SNX29: variants seen among roughly 807,000 people sequenced by gnomAD.
SNX29 encodes sorting nexin 29, also known as sorting nexin-29.
Under a neutral mutation model 102.1 loss-of-function variants are expected in SNX29, and 78 were observed. That is an observed-to-expected ratio of 0.76 (90% CI 0.64 to 0.92). The LOEUF (loss-of-function observed/expected upper bound fraction) is 0.92, where lower values mean the gene tolerates loss of function less well. Ranked by LOEUF, SNX29 falls within the 40% of genes least tolerant of loss-of-function variation. The pLI, the probability that SNX29 is intolerant of heterozygous loss-of-function variation, is 0.00. For synonymous variants in SNX29, 580 were observed against 414.5 expected (o/e 1.40, Z -4.85); for missense variants, 1,280 against 1,061.7 (o/e 1.21, Z -2.86).
intron 11 of SNX29, among the ~76,000 whole-genome samples, chr16:12,110,164 C>T (rs918737630): frequency 6.6e-6 from 1 of 152,162 alleles, no homozygotes; most frequent in East Asian, 1.9e-4. Context: ...CTGCAGCTCA[C>T]GTGTCTAAAG....
Position 12,046,460 on chromosome 16 carries a change from C to T in SNX29, c.499+6C>T, listed in dbSNP as rs373155759. 9 of 1,613,598 alleles carry T rather than the reference C, an allele frequency of 5.6e-6. No individual in the cohort carries two copies. The African/African-American group carries it at 9.3e-5, about 17-fold the overall frequency. ...GCTTCCTACCATGGCAGCAGGTAAGCCTGGCCCAGACCAGGGTGCAGGGCC... is the reference window on the plus strand; with the variant it reads ...GCTTCCTACCATGGCAGCAGGTAAGTCTGGCCCAGACCAGGGTGCAGGGCC... On this transcript the variant is annotated splice_donor_region_variant and intron_variant, in intron 6 of 20. Transcript: ENST00000566228.
intron 20 of SNX29, among the ~76,000 whole-genome samples, chr16:12,539,358 G>T (rs1003217153): frequency 6.6e-6 from 1 of 151,318 alleles, no homozygotes; most frequent in Non-Finnish European, 1.5e-5. Context: ...GAATCATACT[G>T]TAAGCAACCT....
chr16:12,030,386 T>A (rs978995644), intron 4 of SNX29, among the ~76,000 whole-genome samples: 1 of 152,240 alleles, frequency 6.6e-6, no homozygotes, highest in African/African-American at 2.4e-5. Context: ...TTCATCCATA[T>A]GTGTTCCTGT....
At chr16:12,310,450 C>T (rs1169973761) in intron 15 of SNX29, among the ~76,000 whole-genome samples, 1 of 150,666 alleles carries the variant, frequency 6.6e-6, no homozygotes, top group Non-Finnish European at 1.5e-5. Context: ...CAAGTTGTGT[C>T]AAGGAGGAAT....
At chr16:12,370,781 G>T (rs950732131) in intron 16 of SNX29, among the ~76,000 whole-genome samples, 7 of 152,158 alleles carry the variant, frequency 4.6e-5, no homozygotes, top group South Asian at 2.1e-4. Context: ...GCTGGTCTGT[G>T]GGAACCAGAG....
At chr16:12,454,395 G>A (rs2086443772) in intron 18 of SNX29, among the ~76,000 whole-genome samples, 2 of 152,318 alleles carry the variant, frequency 1.3e-5, no homozygotes, top group East Asian at 3.9e-4. Flanking sequence ...AGCTATTTTG[G>A]AACCAAATGC....
At chr16:12,360,329 C>T (rs9924180) in intron 16 of SNX29, among the ~76,000 whole-genome samples, 3,592 of 152,206 alleles carry the variant, frequency 0.024, 156 homozygotes, top group African/African-American at 0.082. Flanking sequence ...TTTCCCTTGT[C>T]TTTTTTGTCA....
intron 16 of SNX29, among the ~76,000 whole-genome samples, chr16:12,383,838 A>G (rs1244866485): frequency 7.5e-6 from 1 of 132,460 alleles, no homozygotes; most frequent in Non-Finnish European, 1.5e-5. Context: ...TTTTGTACCC[A>G]TTAGCCATCC....
At chr16:12,222,341 T>C (rs1422106203) in intron 14 of SNX29, among the ~76,000 whole-genome samples, 2 of 152,240 alleles carry the variant, frequency 1.3e-5, no homozygotes, top group East Asian at 3.8e-4. Flanking sequence ...TTGAAATTGA[T>C]GTCAGCCCAT....
At chr16:12,326,046 G>T (rs545068792) in intron 15 of SNX29, among the ~76,000 whole-genome samples, 1 of 151,674 alleles carries the variant, frequency 6.6e-6, no homozygotes, top group African/African-American at 2.4e-5. Context: ...TGTTTTTTGA[G>T]ATGGAGCCTC....
At chr16:12,527,494 G>C in intron 20 of SNX29, 1 of 427,218 alleles carries the variant, frequency 2.3e-6, no homozygotes, top group Non-Finnish European at 4.4e-6. Context: ...TTGAGTTACT[G>C]AACGTAACCG....
chr16:12,199,392 G>C (rs2076857191), intron 13 of SNX29, among the ~76,000 whole-genome samples: 1 of 152,152 alleles, frequency 6.6e-6, no homozygotes, highest in African/African-American at 2.4e-5. Context: ...TCTCATGAAA[G>C]AATAGTTCTT....
chr16:12,426,414 A>G (rs1160864130), intron 18 of SNX29, among the ~76,000 whole-genome samples: 2 of 152,072 alleles, frequency 1.3e-5, no homozygotes. Context: ...CTCCCTCAAA[A>G]CACATGGTCA....
intron 18 of SNX29, among the ~76,000 whole-genome samples, chr16:12,425,974 G>C (rs925237039): frequency 6.6e-6 from 1 of 152,086 alleles, no homozygotes; most frequent in Non-Finnish European, 1.5e-5. Flanking sequence ...AGCCTGCCAA[G>C]ACCTTCAGGG....
intron 6 of SNX29, 106 bp downstream of exon 6, chr16:12,046,560 C>T (rs2050099370): frequency 1.2e-5 from 12 of 1,017,274 alleles, no homozygotes; most frequent in Non-Finnish European, 1.8e-5. Context: ...TTCTGTCCCT[C>T]AACAACTCAA....
intron 15 of SNX29, among the ~76,000 whole-genome samples, chr16:12,317,146 T>C (rs1164219361): frequency 6.6e-6 from 1 of 152,222 alleles, no homozygotes; most frequent in Non-Finnish European, 1.5e-5. Flanking sequence ...ACCCAGGACC[T>C]TGGAGAAGGG....
rs112290752 is a variant in SNX29, at chr16:12,549,933, T to A, written c.2319-18573T>A. On this transcript the variant is annotated intron_variant, in intron 20 of 20. Transcript: ENST00000566228. ...CACAGGCCAAATCTTACCCTCCACC[T>A]GTTTTTTATAAGTAAAGTTTTATTG... Among the ~76,000 whole-genome samples the A allele has an allele frequency of 3.3e-3, 508 of 152,286 alleles. 6 individuals are homozygous for A. Among genetic ancestry groups the A allele is most frequent in the African/African-American group, 0.012 (484 of 41,494 alleles).
chr16:12,572,759 GGACCCGAGGAA>G lies in SNX29; in HGVS notation c.*4136_*4146del. 1 of 1,063,952 alleles carries G rather than the reference GGACCCGAGGAA, an allele frequency of 9.4e-7. No individual in the cohort carries two copies. The highest frequency in any genetic ancestry group is 1.1e-6 in the Non-Finnish European group (1 of 878,422). The allele number at this position is 1,063,952 out of a possible 1,614,324, so 65.9% of individuals were successfully genotyped here. ...GGAAGGGCTGGGTTTTCAGCTTCTG[GGACCCGAGGAA>G]GACCCCACCTCACTCCTCCTTCCCC... On this transcript the variant is annotated 3_prime_UTR_variant, in exon 21 of 21. Transcript: ENST00000566228.
At chr16:12,220,774 A>C (rs933226633) in intron 14 of SNX29, among the ~76,000 whole-genome samples, 3 of 152,228 alleles carry the variant, frequency 2.0e-5, no homozygotes, top group Non-Finnish European at 4.4e-5. Flanking sequence ...ATAATAGCTG[A>C]AATTATCCGT....
Sources: gnomAD v4.1 joint callset for allele counts (sites outside exome capture counted in the v4.1 genomes callset) on GRCh38, gnomAD v4.1.1 for gene constraint, MANE v1.5 for transcripts, NCBI Gene and HGNC (gene_info 2026-07-23, HGNC 2026-07-21) for gene names.